The following ARID1B variants were observed in gnomAD, a reference collection of about 807,000 sequenced individuals.
ARID1B encodes AT-rich interaction domain 1B, also known as AT-rich interactive domain-containing protein 1B.
Under a neutral mutation model 212.3 loss-of-function variants are expected in ARID1B, and 30 were observed. The ratio of observed to expected loss-of-function variants is 0.14; its 90% confidence interval spans 0.11 to 0.19. ARID1B has a LOEUF of 0.19. Ranked by LOEUF, ARID1B falls within the 10% of genes least tolerant of loss-of-function variation. ARID1B has a pLI of 1.00. For missense variants in ARID1B, 2,891 were observed against 3,204.0 expected, an observed-to-expected ratio of 0.90 and a Z score of 2.36; for synonymous variants, 1,402 against 1,301.7, an observed-to-expected ratio of 1.08 and a Z score of -1.66.
At chr6:156,884,474 T>C (rs1733401097) in intron 2 of ARID1B, among the ~76,000 whole-genome samples, 1 of 152,172 alleles carries the variant, frequency 6.6e-6, no homozygotes, top group Non-Finnish European at 1.5e-5. Context: ...TCCTAAGCAG[T>C]GCGCCTTCCC....
intron 4 of ARID1B, among the ~76,000 whole-genome samples, chr6:156,989,426 T>C (rs900126827): frequency 2.6e-5 from 4 of 152,244 alleles, no homozygotes; most frequent in African/African-American, 9.6e-5. Flanking sequence ...ATAATACATG[T>C]TAATCTTCAA....
chr6:156,928,152 G>C (rs1388799312), intron 3 of ARID1B, among the ~76,000 whole-genome samples: 1 of 152,212 alleles, frequency 6.6e-6, no homozygotes, highest in Non-Finnish European at 1.5e-5. Context: ...CCCTGTAGAA[G>C]CTGACCTGGT....
At chr6:157,016,622 T>C (rs183721318) in intron 4 of ARID1B, among the ~76,000 whole-genome samples, 21 of 152,192 alleles carry the variant, frequency 1.4e-4, no homozygotes, top group African/African-American at 5.1e-4. Context: ...GGTCTCATTG[T>C]GAGTGATTGT....
chr6:157,182,748 T>TA (rs1313732743), intron 12 of ARID1B, among the ~76,000 whole-genome samples: 5 of 152,180 alleles, frequency 3.3e-5, no homozygotes, highest in African/African-American at 1.2e-4. Flanking sequence ...AGTCGTGTGA[T>TA]ACCACGTGTG....
Position 157,208,468 on chromosome 6 carries a change from T to C in ARID1B, c.*577T>C, listed in dbSNP as rs966313924. 4.3e-6 allele frequency: 1 copy of C among 233,448 alleles called. No homozygotes were observed. The highest frequency in any genetic ancestry group is 8.5e-6 in the Non-Finnish European group (1 of 117,912). 14.5% of individuals were successfully genotyped at this position (233,448 alleles called of 1,614,324 possible). ...AAAACTATGAAATGATACTGGTTTCTCCACAGGAATATGGTTCCATTAGGC... is the reference window on the plus strand; with the variant it reads ...AAAACTATGAAATGATACTGGTTTCCCCACAGGAATATGGTTCCATTAGGC... On this transcript the variant is annotated 3_prime_UTR_variant, in exon 20 of 20. Coordinates refer to ENST00000636930, the MANE Select transcript of ARID1B (RefSeq NM_001374828.1).
At chr6:156,850,344 T>C (rs969802614) in intron 2 of ARID1B, among the ~76,000 whole-genome samples, 1 of 152,196 alleles carries the variant, frequency 6.6e-6, no homozygotes, top group Non-Finnish European at 1.5e-5. Context: ...AGTATTCTTA[T>C]TTAGGATTGA....
intron 15 of ARID1B, among the ~76,000 whole-genome samples, chr6:157,191,014 C>A (rs968028964): frequency 3.3e-5 from 5 of 151,962 alleles, no homozygotes; most frequent in African/African-American, 1.2e-4. Flanking sequence ...CCGGCGGGGC[C>A]AAAGCCTTTC....
intron 12 of ARID1B, among the ~76,000 whole-genome samples, chr6:157,182,692 C>G (rs1225980261): frequency 6.6e-6 from 1 of 152,170 alleles, no homozygotes; most frequent in African/African-American, 2.4e-5. Context: ...AGACCTGTGA[C>G]AGAAAGAATT....
intron 2 of ARID1B, among the ~76,000 whole-genome samples, chr6:156,841,412 A>T (rs2128085818): frequency 6.6e-6 from 1 of 152,316 alleles, no homozygotes; most frequent in South Asian, 2.1e-4. Context: ...ATTCTAGTTG[A>T]GAATCTTTGA....
At chr6:156,957,466 G>T (rs746157929) in intron 4 of ARID1B, among the ~76,000 whole-genome samples, 6 of 152,026 alleles carry the variant, frequency 3.9e-5, no homozygotes, top group Non-Finnish European at 8.8e-5. Context: ...CCAAGTTCCA[G>T]CATCCTGGCT....
chr6:157,143,492 G>C (rs543776884), intron 7 of ARID1B, among the ~76,000 whole-genome samples: 4 of 151,814 alleles, frequency 2.6e-5, no homozygotes, highest in Non-Finnish European at 4.4e-5. Flanking sequence ...AAGATGGGGG[G>C]GGTGATGTTA....
intron 6 of ARID1B, among the ~76,000 whole-genome samples, chr6:157,130,565 G>A (rs961271152): frequency 6.6e-6 from 1 of 152,114 alleles, no homozygotes; most frequent in African/African-American, 2.4e-5. Context: ...ATTTCATAAG[G>A]CTTATCTTTA....
chr6:156,888,582 A>G (rs1346811610), intron 2 of ARID1B, among the ~76,000 whole-genome samples: 1 of 152,222 alleles, frequency 6.6e-6, no homozygotes, highest in Non-Finnish European at 1.5e-5. Context: ...AAAGAGGGAA[A>G]ATCCAAATTG....
At chr6:156,974,310 C>A (rs369392925) in intron 4 of ARID1B, among the ~76,000 whole-genome samples, 44 of 152,158 alleles carry the variant, frequency 2.9e-4, no homozygotes, top group African/African-American at 1.0e-3. Flanking sequence ...GTACCAGAAT[C>A]ATTTCTCTTA....
At chr6:157,137,270 T>A (rs1412137642) in intron 7 of ARID1B, among the ~76,000 whole-genome samples, 2 of 152,216 alleles carry the variant, frequency 1.3e-5, no homozygotes, top group African/African-American at 4.8e-5. Context: ...AATTTTTAAA[T>A]AAATGAAGCC....
rs373798478 is a variant in ARID1B, at chr6:157,209,988, G to A, written c.*2097G>A. 2.1e-5 allele frequency: 5 copies of A among 232,746 alleles called. No individual in the cohort carries two copies. The highest frequency in any genetic ancestry group is 1.8e-4 in the South Asian group (1 of 5,514). The allele number at this position is 232,746 out of a possible 1,614,324, so 14.4% of individuals were successfully genotyped here. ...GTATACTCAGAATCCCCAGCCCCTCGCATACATTGTGTCGGTTCACATTAC... is the reference window on the plus strand; with the variant it reads ...GTATACTCAGAATCCCCAGCCCCTCACATACATTGTGTCGGTTCACATTAC... On this transcript the variant is annotated 3_prime_UTR_variant, in exon 20 of 20. Coordinates refer to ENST00000636930, the MANE Select transcript of ARID1B (RefSeq NM_001374828.1).
At chr6:157,117,965 G>A (rs1219814595) in intron 6 of ARID1B, among the ~76,000 whole-genome samples, 1 of 152,180 alleles carries the variant, frequency 6.6e-6, no homozygotes, top group African/African-American at 2.4e-5. Context: ...GCACTAAATG[G>A]ATTGTGCTGA....
At chr6:156,883,616 G>A (rs971750792) in intron 2 of ARID1B, among the ~76,000 whole-genome samples, 42 of 151,986 alleles carry the variant, frequency 2.8e-4, no homozygotes, top group Non-Finnish European at 7.4e-5. Context: ...CTCGGCCCAC[G>A]CTCCCCACAG....
chr6:156,941,995 TTTAA>T (rs1792709976), intron 4 of ARID1B: 1 of 152,240 alleles, frequency 6.6e-6, no homozygotes, highest in Admixed American at 6.5e-5. Context: ...TAAGAATTTG[TTTAA>T]TTTTTTAAAA....
Sources: allele counts gnomAD v4.1 joint callset (sites outside exome capture counted in the v4.1 genomes callset), GRCh38; gene constraint gnomAD v4.1.1; transcripts MANE v1.5; gene names NCBI Gene and HGNC (gene_info 2026-07-23, HGNC 2026-07-21).